Variants in RICTOR observed in about 807,000 individuals in gnomAD.
RICTOR encodes RPTOR independent companion of MTOR complex 2, also known as rapamycin-insensitive companion of mTOR.
In RICTOR, 49 loss-of-function variants were observed where a neutral mutation model predicts 214.9. The observed-to-expected ratio is 0.23, with a 90% confidence interval of 0.18 to 0.29. The LOEUF is 0.29. Among genes scored for constraint, RICTOR ranks in the 10% least tolerant of loss-of-function variants. RICTOR has a pLI of 1.00. For synonymous variants in RICTOR, 717 were observed against 711.3 expected, an observed-to-expected ratio of 1.01 and a Z score of -0.13; for missense variants, 1,625 against 2,047.0, an observed-to-expected ratio of 0.79 and a Z score of 3.98.
chr5:38,972,671 TG>T (rs1462062381), intron 10 of RICTOR, among the ~76,000 whole-genome samples: 1 of 151,724 alleles, frequency 6.6e-6, no homozygotes, highest in African/African-American at 2.4e-5. Flanking sequence ...TATAAAATAG[TG>T]TAAGTATTTT....
intron 30 of RICTOR, among the ~76,000 whole-genome samples, chr5:38,951,181 CATT>C (rs1748754671): frequency 6.6e-6 from 1 of 151,834 alleles, no homozygotes; most frequent in East Asian, 1.9e-4. Context: ...CAAGTGGTAA[CATT>C]ATAAATTCAT....
rs114562888 is a variant in RICTOR at position 38,968,671 on chromosome 5, G to A, written c.973-641C>T. Among the ~76,000 whole-genome samples the A allele has an allele frequency of 5.9e-3, 899 of 151,360 alleles. 14 individuals carry two copies. Among genetic ancestry groups the A allele is most frequent in the African/African-American group, 0.019 (783 of 41,198 alleles). ...GAGGATCACTTGAGTCGAGGAGTTC[G>A]AGGATGCAGTGAGCTATGATCATTC... On this transcript the variant is annotated intron_variant, in intron 11 of 37. Transcript: ENST00000357387.
intron 3 of RICTOR, among the ~76,000 whole-genome samples, chr5:39,003,995 TCA>T (rs1297932784): frequency 6.6e-6 from 1 of 152,202 alleles, no homozygotes; most frequent in Middle Eastern, 3.2e-3. Flanking sequence ...TGCCAGAATC[TCA>T]CACTTTAATT....
At chr5:38,979,284 G>A (rs1341009760) in intron 8 of RICTOR, among the ~76,000 whole-genome samples, 1 of 152,012 alleles carries the variant, frequency 6.6e-6, no homozygotes, top group East Asian at 1.9e-4. Flanking sequence ...AGAGTAGCTG[G>A]GATTACCGGC....
chr5:38,985,084 T>A (rs926366502), intron 7 of RICTOR, among the ~76,000 whole-genome samples: 1 of 152,190 alleles, frequency 6.6e-6, no homozygotes, highest in Non-Finnish European at 1.5e-5. Flanking sequence ...GTGCTGGGAT[T>A]ACAGGCGTGA....
rs770011241 is a variant in RICTOR at position 38,946,504 on chromosome 5, C to G, written c.4363G>C (p.Asp1455His). Residue 1455 changes from aspartate to histidine, a missense_variant, in exon 33 of 38, where the codon GAT becomes CAT. Asp to His is a moderately conservative substitution (Grantham distance 81). This residue lies in a region of RICTOR where 1,214 missense variants were observed against 1,470.5 expected (regional missense o/e 0.83). Coordinates refer to ENST00000357387, the MANE Select transcript of RICTOR (RefSeq NM_152756.5). ...TGGGCAAATGCTCTTGCACCTCGAT[C>G]ATCATGTGGTGGTATGTTTTTTGTC... Reference protein sequence around the residue: ...FQTKNIPPHDDRGARAFAHDA... With the variant: ...FQTKNIPPHDHRGARAFAHDA... 1.2e-6 allele frequency: 2 copies of G among 1,612,086 alleles called. No homozygotes were observed. The highest frequency in any genetic ancestry group is 1.7e-6 in the Non-Finnish European group (2 of 1,178,306).
chr5:38,986,175 G>A (rs898673704), intron 7 of RICTOR, among the ~76,000 whole-genome samples: 1 of 152,102 alleles, frequency 6.6e-6, no homozygotes, highest in South Asian at 2.1e-4. Flanking sequence ...TGCTGTTCTC[G>A]TGATAGTGAA....
At chr5:38,967,588 C>T (rs1750343389) in intron 12 of RICTOR, among the ~76,000 whole-genome samples, 161 bp from the exon 13 acceptor site, 1 of 152,120 alleles carries the variant, frequency 6.6e-6, no homozygotes, top group Admixed American at 6.6e-5. Context: ...TATGTAAATA[C>T]ACGCAGATCT....
intron 2 of RICTOR, among the ~76,000 whole-genome samples, chr5:39,058,586 T>G (rs551743677): frequency 6.6e-6 from 1 of 152,266 alleles, no homozygotes; most frequent in East Asian, 1.9e-4. Flanking sequence ...TATATATGTA[T>G]GCTCTTTCAA....
chr5:38,990,714 A>G (rs1752638567), intron 7 of RICTOR, among the ~76,000 whole-genome samples: 1 of 122,538 alleles, frequency 8.2e-6, no homozygotes, highest in African/African-American at 2.9e-5. Context: ...GATATGATAT[A>G]TATGATATAT....
rs1752289343 is a variant in RICTOR, at chr5:38,987,789, T to C, written c.583+3160A>G. Among the ~76,000 whole-genome samples, 3 of 152,152 alleles carry C rather than the reference T, an allele frequency of 2.0e-5. No individual in the cohort carries two copies. In the South Asian group the frequency reaches 6.2e-4, roughly 32 times the overall value. ...CTCTTGCTTCTCTAGTTCTTTTAAT[T>C]GTAATGTTAGGGTGTCGACTTTAGA... On this transcript the variant is annotated intron_variant, in intron 7 of 37. Transcript: ENST00000357387.
chr5:39,035,851 G>C (rs983280518), intron 2 of RICTOR, among the ~76,000 whole-genome samples: 1 of 152,216 alleles, frequency 6.6e-6, no homozygotes, highest in Non-Finnish European at 1.5e-5. Flanking sequence ...TGTTGTACCT[G>C]AAAGTGACGG....
At chr5:38,974,328 C>A (rs1751028097) in intron 10 of RICTOR, among the ~76,000 whole-genome samples, 1 of 151,966 alleles carries the variant, frequency 6.6e-6, no homozygotes, top group African/African-American at 2.4e-5. Context: ...CCCAGCCCCA[C>A]CCCTCTAAGT....
intron 2 of RICTOR, among the ~76,000 whole-genome samples, chr5:39,042,581 T>C (rs1489018973): frequency 6.6e-6 from 1 of 152,214 alleles, no homozygotes; most frequent in East Asian, 1.9e-4. Context: ...TACCTAGTTG[T>C]ACTGCCTTGC....
chr5:39,035,723 T>C (rs1047617402), intron 2 of RICTOR, among the ~76,000 whole-genome samples: 9 of 152,136 alleles, frequency 5.9e-5, no homozygotes, highest in Admixed American at 2.6e-4. Context: ...GTATCAGCGA[T>C]AGAAGATGAA....
chr5:38,984,658 T>G (rs906026271), intron 7 of RICTOR, among the ~76,000 whole-genome samples: 4 of 151,722 alleles, frequency 2.6e-5, no homozygotes, highest in Non-Finnish European at 4.4e-5. Flanking sequence ...TTGGTTCTCT[T>G]TTTTTTTAGC....
intron 2 of RICTOR, among the ~76,000 whole-genome samples, chr5:39,039,259 C>A (rs961272154): frequency 1.3e-5 from 2 of 152,006 alleles, no homozygotes; most frequent in African/African-American, 4.8e-5. Context: ...AACTGGCTAG[C>A]CATATGTAGA....
chr5:38,949,530 C>A, intron 31 of RICTOR, 182 bp downstream of exon 31: 1 of 1,138,374 alleles, frequency 8.8e-7, no homozygotes, highest in South Asian at 1.5e-5. Context: ...CTTCCCCCCT[C>A]GCAGCTGCAA....
intron 2 of RICTOR, among the ~76,000 whole-genome samples, chr5:39,033,598 A>G (rs1487427044): frequency 1.3e-5 from 2 of 152,168 alleles, no homozygotes; most frequent in African/African-American, 4.8e-5. Context: ...GATGGCAGAA[A>G]GAGTTATGGC....
Sources: allele counts gnomAD v4.1 joint callset (sites outside exome capture counted in the v4.1 genomes callset), GRCh38; gene constraint gnomAD v4.1.1; regional missense constraint gnomAD v4.1.1; transcripts MANE v1.5; gene names NCBI Gene and HGNC (gene_info 2026-07-23, HGNC 2026-07-21).